KLHL32: variants seen among roughly 807,000 people sequenced by gnomAD.
The protein encoded by KLHL32 is kelch like family member 32.
Under a neutral mutation model 64.8 loss-of-function variants are expected in KLHL32, and 35 were observed. The observed-to-expected ratio is 0.54, with a 90% CI of 0.41 to 0.72. KLHL32 has a LOEUF of 0.72. Ranked by LOEUF, KLHL32 falls within the 30% of genes least tolerant of loss-of-function variation. The pLI is 0.00. For missense variants in KLHL32, 589 were observed against 768.5 expected (o/e 0.77, Z 2.76); for synonymous variants, 259 against 281.0 (o/e 0.92, Z 0.78).
chr6:96,956,591 C>T (rs1006947695), intron 1 of KLHL32, among the ~76,000 whole-genome samples: 2 of 152,190 alleles, frequency 1.3e-5, no homozygotes, highest in Non-Finnish European at 2.9e-5. Flanking sequence ...GTATTCTAAC[C>T]CACATGCCTC....
At chr6:96,972,320 A>G (rs567300376) in intron 2 of KLHL32, among the ~76,000 whole-genome samples, 14 of 152,172 alleles carry the variant, frequency 9.2e-5, no homozygotes, top group African/African-American at 2.2e-4. Context: ...GTACATCTCA[A>G]TTTGGACTGG....
At chr6:97,014,036 G>C (rs1164217006) in intron 3 of KLHL32, among the ~76,000 whole-genome samples, 1 of 152,136 alleles carries the variant, frequency 6.6e-6, no homozygotes, top group Non-Finnish European at 1.5e-5. Flanking sequence ...GCCGGGCGCC[G>C]TGGCTCACGC....
At chr6:97,137,598 G>T (rs1413663223) in intron 10 of KLHL32, among the ~76,000 whole-genome samples, 4 of 151,968 alleles carry the variant, frequency 2.6e-5, no homozygotes, top group Non-Finnish European at 5.9e-5. Flanking sequence ...GCAGTGGCGC[G>T]ATCTTGGCTC....
At chr6:96,941,209 T>C (rs990572213) in intron 1 of KLHL32, among the ~76,000 whole-genome samples, 7 of 152,250 alleles carry the variant, frequency 4.6e-5, no homozygotes, top group Non-Finnish European at 5.9e-5. Flanking sequence ...ACTTCTATGA[T>C]TCGCCTGTTC....
At chr6:97,061,073 C>T (rs1455874194) in intron 4 of KLHL32, among the ~76,000 whole-genome samples, 7 of 152,130 alleles carry the variant, frequency 4.6e-5, no homozygotes, top group Admixed American at 6.5e-5. Flanking sequence ...TAGCACTGTC[C>T]AACATCCCTC....
chr6:97,040,919 G>T (rs114506179), intron 3 of KLHL32, among the ~76,000 whole-genome samples: 4,431 of 152,098 alleles, frequency 0.029, 190 homozygotes, highest in African/African-American at 0.099. Flanking sequence ...CTTCGCCTTC[G>T]CCTTCCACCA....
At chr6:97,135,862 C>T (rs1400316230) in intron 10 of KLHL32, among the ~76,000 whole-genome samples, 1 of 152,084 alleles carries the variant, frequency 6.6e-6, no homozygotes, top group African/African-American at 2.4e-5. Context: ...GAGAGAATAG[C>T]TACATGTTCA....
intron 6 of KLHL32, 125 bp downstream of exon 6, chr6:97,085,466 C>T: frequency 1.3e-6 from 1 of 780,058 alleles, no homozygotes; most frequent in Non-Finnish European, 2.1e-6. Context: ...TTTTAGAAGT[C>T]ATGCTTCCTT....
In KLHL32 at chr6:97,056,112, T is replaced by C. The variant is rs1219916652; in HGVS notation, c.313-8516T>C. Among the ~76,000 whole-genome samples, 5 of 142,726 alleles carry C rather than the reference T, an allele frequency of 3.5e-5. No homozygotes were observed. The East Asian group carries it at 1.0e-3, about 29-fold the overall frequency. 93.6% of individuals were successfully genotyped at this position (142,726 alleles called of 152,430 possible). A position where few individuals can be genotyped will look rare whatever the true frequency, so the allele number is the denominator to read the frequency against. On this transcript the variant is annotated intron_variant, in intron 4 of 10. Coordinates refer to ENST00000369261, the MANE Select transcript of KLHL32 (RefSeq NM_052904.4). ...TTTTTTTTTCTTTTTTTTTCTTTTTTTTTTTTTTTTTGAGATGAAGTCTCG... is the reference window on the plus strand; with the variant it reads ...TTTTTTTTTCTTTTTTTTTCTTTTTCTTTTTTTTTTTGAGATGAAGTCTCG...
rs1268217311 is a variant in KLHL32, at chr6:97,041,764, A to C, written c.312+165A>C. On this transcript the variant is annotated intron_variant, in intron 4 of 10. Transcript: ENST00000369261. ...TTTATGACTAAAGTTATGGAAAGGT[A>C]AGTAAAGCAATTTGATTTTTTAATA... Among the ~76,000 whole-genome samples the C allele has an allele frequency of 2.6e-5, 4 of 152,230 alleles. No homozygotes were observed. The East Asian group carries it at 7.7e-4, about 29-fold the overall frequency.
At chr6:97,087,067 T>C (rs1793529298) in intron 6 of KLHL32, among the ~76,000 whole-genome samples, 1 of 152,144 alleles carries the variant, frequency 6.6e-6, no homozygotes, top group African/African-American at 2.4e-5. Flanking sequence ...TCTCTAAAGG[T>C]TACTAATATT....
rs529058475 is a variant in KLHL32, at chr6:97,069,661, G to C, written c.411+4935G>C. On this transcript the variant is annotated intron_variant, in intron 5 of 10. Coordinates refer to ENST00000369261, the MANE Select transcript of KLHL32 (RefSeq NM_052904.4). The stretch of plus-strand genomic sequence containing the variant: ...ATACCCTCCCTCCCTTCACATCGTG[G>C]GAGTTCATTATGTACTGAGGGATTG... Among the ~76,000 whole-genome samples the C allele has an allele frequency of 1.4e-4, 22 of 151,948 alleles. 1 individual carries two copies. In the East Asian group the frequency reaches 4.3e-3, roughly 29 times the overall value.
intron 4 of KLHL32, among the ~76,000 whole-genome samples, chr6:97,047,404 G>A (rs1786100491): frequency 6.6e-6 from 1 of 152,172 alleles, no homozygotes; most frequent in South Asian, 2.1e-4. Context: ...CAATGGTGGA[G>A]GGCATAGAGG....
chr6:97,084,632 GTTGTTTTGACTTAAAGACCTAC>G (rs1166447904), intron 5 of KLHL32, among the ~76,000 whole-genome samples: 1 of 152,172 alleles, frequency 6.6e-6, no homozygotes, highest in Non-Finnish European at 1.5e-5. Context: ...GACAGGATGG[GTTGTTTTGACTTAAAGACCTAC>G]TTAGTTTGAA....
In KLHL32 at chr6:97,113,928, C is replaced by T. The variant is rs1458840716; in HGVS notation, c.773C>T (p.Thr258Ile). 4 of 1,614,076 alleles carry T rather than the reference C, an allele frequency of 2.5e-6. No individual in the cohort carries two copies. In the African/African-American group the frequency reaches 5.3e-5, roughly 22 times the overall value. ...CTTGTCCAAGCAAGTGAGACTGCAA[C>T]AGCCCTTGTCAACGAGGCCCTGGAA... ...HPLVQASETA[T>I]ALVNEALEYH... Residue 258 changes from threonine to isoleucine, a missense_variant, in exon 7 of 11, where the codon ACA (threonine) becomes ATA (isoleucine). By Grantham distance (89) the Thr-to-Ile change is moderately conservative (BLOSUM62 -1). Transcript: ENST00000369261.
intron 5 of KLHL32, among the ~76,000 whole-genome samples, chr6:97,071,883 C>G (rs191606571): frequency 6.6e-6 from 1 of 152,174 alleles, no homozygotes; most frequent in Non-Finnish European, 1.5e-5. Context: ...CTAATCAACA[C>G]TGGACAATCT....
chr6:97,085,098 T>C (rs1793192286), intron 5 of KLHL32, 28 bp from the exon 6 acceptor site: 1 of 1,587,614 alleles, frequency 6.3e-7, no homozygotes, highest in African/African-American at 1.3e-5. Context: ...TAAGAGATCT[T>C]TTTTCATTTT....
At chr6:97,057,985 C>G (rs944838966) in intron 4 of KLHL32, among the ~76,000 whole-genome samples, 6 of 152,140 alleles carry the variant, frequency 3.9e-5, no homozygotes, top group Non-Finnish European at 8.8e-5. Flanking sequence ...TAGCCCCATT[C>G]TTGAAAAGAC....
chr6:97,023,244 T>A (rs1030641522), intron 3 of KLHL32, among the ~76,000 whole-genome samples: 3 of 152,240 alleles, frequency 2.0e-5, no homozygotes, highest in Non-Finnish European at 4.4e-5. Context: ...TTAGGTTTTT[T>A]AAAACATTTG....
Sources: allele counts gnomAD v4.1 joint callset (sites outside exome capture counted in the v4.1 genomes callset), GRCh38; gene constraint gnomAD v4.1.1; transcripts MANE v1.5; gene names NCBI Gene and HGNC (gene_info 2026-07-23, HGNC 2026-07-21).